The following TMEM65 variants were observed in gnomAD, a reference collection of about 807,000 sequenced individuals.
The protein encoded by TMEM65 is transmembrane protein 65.
A neutral mutation model predicts 25.4 loss-of-function variants in TMEM65; 22 were observed. The ratio of observed to expected loss-of-function variants is 0.86; its 90% CI spans 0.62 to 1.23. The LOEUF (loss-of-function observed/expected upper bound fraction) is 1.23. TMEM65 is among the 50% of genes most tolerant of loss of function. The pLI is 0.00. For missense variants in TMEM65, 262 were observed against 308.2 expected (o/e 0.85, Z 1.12); for synonymous variants, 132 against 126.2 (o/e 1.05, Z -0.31).
intron 1 of TMEM65, among the ~76,000 whole-genome samples, chr8:124,368,960 A>C (rs1240792778): frequency 6.6e-6 from 1 of 152,248 alleles, no homozygotes; most frequent in Non-Finnish European, 1.5e-5. Flanking sequence ...CCAAATTGCT[A>C]TATTTTAAAA....
chr8:124,329,000 T>A (rs994435885), intron 2 of TMEM65, among the ~76,000 whole-genome samples: 10 of 152,024 alleles, frequency 6.6e-5, no homozygotes, highest in Non-Finnish European at 1.0e-4. Flanking sequence ...AATACTATTA[T>A]ATTCAATATT....
chr8:124,351,671 T>C (rs75624776), intron 1 of TMEM65, among the ~76,000 whole-genome samples: 2,382 of 152,302 alleles, frequency 0.016, 34 homozygotes, highest in Non-Finnish European at 0.022. Flanking sequence ...CAAGAGTTCC[T>C]TTAATGTGAA....
chr8:124,341,652 T>C (rs1451189103), intron 1 of TMEM65, among the ~76,000 whole-genome samples: 1 of 152,066 alleles, frequency 6.6e-6, no homozygotes, highest in Admixed American at 6.5e-5. Context: ...AGAGCTAAGT[T>C]TTCTCTACAA....
intron 1 of TMEM65, among the ~76,000 whole-genome samples, chr8:124,358,112 G>A (rs560481304): frequency 1.3e-5 from 2 of 152,266 alleles, no homozygotes; most frequent in Non-Finnish European, 1.5e-5. Flanking sequence ...TTACAGGCAT[G>A]AGCCACTGTG....
chr8:124,371,832 GC>G (rs770602257), intron 1 of TMEM65, 21 bp downstream of exon 1: 5 of 1,499,678 alleles, frequency 3.3e-6, no homozygotes, highest in East Asian at 2.8e-5. Context: ...CCCCGGGCTC[GC>G]CCCCCACCTG....
At position 124,348,954 on chromosome 8, in the gene TMEM65, C is replaced by A. The variant is rs1814674238; in HGVS notation, c.305-18162G>T. ...AGGAATCTAAACTTCCTACAATGCA[C>A]AACAGAGTACTTCATAACAAAGAAT... On this transcript the variant is annotated intron_variant, in intron 1 of 6. Coordinates refer to ENST00000297632, the MANE Select transcript of TMEM65 (RefSeq NM_194291.3). Among the ~76,000 whole-genome samples, 5 of 152,272 alleles carry A rather than the reference C, an allele frequency of 3.3e-5. No individual in the cohort carries two copies. In the South Asian group the frequency reaches 1.0e-3, roughly 32 times the overall value.
chr8:124,342,827 TA>T (rs778664001), intron 1 of TMEM65, among the ~76,000 whole-genome samples: 16 of 152,236 alleles, frequency 1.1e-4, no homozygotes, highest in African/African-American at 3.1e-4. Context: ...GGTAAGATAA[TA>T]AAAAACCTCA....
In TMEM65 at chr8:124,310,045, C is replaced by T. The variant is rs893449252; in HGVS notation, c.*3915G>A. 1.3e-5 allele frequency: 2 copies of T among 152,240 alleles called. No individual in the cohort carries two copies. Among genetic ancestry groups the T allele is most frequent in the African/African-American group, 4.8e-5 (2 of 41,424 alleles). 9.4% of individuals were successfully genotyped at this position (152,240 alleles called of 1,614,324 possible). A position where few individuals can be genotyped will look rare whatever the true frequency, so the allele number is the denominator to read the frequency against. ...CGGTGGCACGTGACTGTAATCCCAGCTACTCAGGAGGCTGAGGCAGGAGAA... is the reference window on the plus strand; with the variant it reads ...CGGTGGCACGTGACTGTAATCCCAGTTACTCAGGAGGCTGAGGCAGGAGAA... On this transcript the variant is annotated 3_prime_UTR_variant, in exon 7 of 7. Coordinates refer to ENST00000297632, the MANE Select transcript of TMEM65 (RefSeq NM_194291.3).
At position 124,310,142 on chromosome 8, in the gene TMEM65, C is replaced by G. The variant is rs1355221934; in HGVS notation, c.*3818G>C. 6.6e-6 allele frequency: 1 copy of G among 152,168 alleles called. No individual in the cohort carries two copies. Among genetic ancestry groups the G allele is most frequent in the African/African-American group, 2.4e-5 (1 of 41,394 alleles). The allele number at this position is 152,168 out of a possible 1,614,324, so 9.4% of individuals were successfully genotyped here. On this transcript the variant is annotated 3_prime_UTR_variant, in exon 7 of 7. Coordinates refer to ENST00000297632, the MANE Select transcript of TMEM65 (RefSeq NM_194291.3). ...CACTGCACTCCAGCCTGGGTGACAT[C>G]AAGACTCCATCTCAAAAAAAAGTAT...
At chr8:124,326,918 G>C (rs553269211) in intron 3 of TMEM65, among the ~76,000 whole-genome samples, 1 of 152,108 alleles carries the variant, frequency 6.6e-6, no homozygotes, top group East Asian at 1.9e-4. Context: ...ACAATGGCTA[G>C]ACTGAAGGCT....
intron 1 of TMEM65, among the ~76,000 whole-genome samples, chr8:124,369,691 G>A (rs895772681): frequency 4.6e-5 from 7 of 152,134 alleles, no homozygotes; most frequent in African/African-American, 1.7e-4. Context: ...TGAGCTGTAC[G>A]CATTCCCAAC....
intron 1 of TMEM65, among the ~76,000 whole-genome samples, chr8:124,366,356 C>T (rs1255774156): frequency 6.6e-6 from 1 of 152,214 alleles, no homozygotes. Flanking sequence ...CATCCATCTC[C>T]TTGGGTCAAC....
intron 1 of TMEM65, among the ~76,000 whole-genome samples, chr8:124,365,853 A>C (rs1003816918): frequency 6.6e-6 from 1 of 152,192 alleles, no homozygotes; most frequent in African/African-American, 2.4e-5. Context: ...CTTATTTTGG[A>C]CTTTGTACTT....
chr8:124,322,283 G>C (rs1229081444), intron 4 of TMEM65, 136 bp from the exon 5 acceptor site: 1 of 580,000 alleles, frequency 1.7e-6, no homozygotes, highest in Non-Finnish European at 2.9e-6. Flanking sequence ...TAACTCATTG[G>C]ACAGCTCTTA....
At chr8:124,334,203 AG>A (rs1279941785) in intron 1 of TMEM65, among the ~76,000 whole-genome samples, 1 of 152,220 alleles carries the variant, frequency 6.6e-6, no homozygotes, top group Non-Finnish European at 1.5e-5. Context: ...AGGAATAACT[AG>A]GATACATACA....
chr8:124,307,967 T>G lies in TMEM65; in HGVS notation c.*5993A>C, dbSNP rs1814113752. On this transcript the variant is annotated 3_prime_UTR_variant, in exon 7 of 7. Transcript: ENST00000297632. Reference sequence around the variant, plus strand: ...GAAAGGGACAGGCTAATGCTATGGGTTTTTGCAAATGCTGTTGGGTTTATG... The same window carrying G: ...GAAAGGGACAGGCTAATGCTATGGGGTTTTGCAAATGCTGTTGGGTTTATG... 1 of 152,080 alleles carries G rather than the reference T, an allele frequency of 6.6e-6. No homozygotes were observed. The highest frequency in any genetic ancestry group is 1.5e-5 in the Non-Finnish European group (1 of 67,994). 9.4% of individuals were successfully genotyped at this position (152,080 alleles called of 1,614,324 possible). A position where few individuals can be genotyped will look rare whatever the true frequency, so the allele number is the denominator to read the frequency against.
intron 5 of TMEM65, among the ~76,000 whole-genome samples, chr8:124,321,475 A>G (rs928078774): frequency 6.6e-6 from 1 of 152,104 alleles, no homozygotes; most frequent in African/African-American, 2.4e-5. Context: ...ACAAGAATGT[A>G]AAGAGAGAGA....
At chr8:124,333,861 A>G (rs1007682093) in intron 1 of TMEM65, among the ~76,000 whole-genome samples, 5 of 152,174 alleles carry the variant, frequency 3.3e-5, no homozygotes, top group African/African-American at 1.2e-4. Flanking sequence ...AAAATTCCTC[A>G]GTCTCTGTCT....
chr8:124,323,468 T>C (rs528438052), intron 3 of TMEM65, 93 bp from the exon 4 acceptor site: 1 of 635,266 alleles, frequency 1.6e-6, no homozygotes, highest in South Asian at 2.3e-5. Context: ...ACAAGTTAAA[T>C]CAACATGTTA....
Sources: gnomAD v4.1 joint callset for allele counts (sites outside exome capture counted in the v4.1 genomes callset) on GRCh38, gnomAD v4.1.1 for gene constraint, MANE v1.5 for transcripts, NCBI Gene and HGNC (gene_info 2026-07-23, HGNC 2026-07-21) for gene names.